GRK3: variants seen among roughly 807,000 people sequenced by gnomAD.
GRK3 encodes the protein adrenergic, beta, receptor kinase 2.
GRK3 carries 54 observed loss-of-function variants against 95.7 expected under a neutral mutation model. The observed-to-expected ratio is 0.56, with a 90% CI of 0.45 to 0.71. The LOEUF is 0.71. Among genes scored for constraint, GRK3 ranks in the 30% least tolerant of loss-of-function variants. The pLI is 0.00. For synonymous variants in GRK3, 281 were observed against 290.8 expected, an observed-to-expected ratio of 0.97 and a Z score of 0.34; for missense variants, 649 against 851.2, an observed-to-expected ratio of 0.76 and a Z score of 2.96.
At chr22:25,632,341 T>A (rs980346898) in intron 2 of GRK3, among the ~76,000 whole-genome samples, 3 of 152,378 alleles carry the variant, frequency 2.0e-5, no homozygotes, top group Admixed American at 6.5e-5. Flanking sequence ...TATATCTTCT[T>A]TGGTGAAAGT....
rs200289539 is a variant in GRK3, at chr22:25,711,027, G to A, written c.1396-41G>A. 4 of 1,332,704 alleles carry A rather than the reference G, an allele frequency of 3.0e-6. No homozygotes were observed. In the East Asian group the frequency reaches 6.9e-5, roughly 23 times the overall value. 82.6% of individuals were successfully genotyped at this position (1,332,704 alleles called of 1,614,324 possible). ...ATGTTAGGTTGGGACAGGGCCATAC[G>A]ATCATCTGAAAACTGTACCATGCTT... On this transcript the variant is annotated intron_variant, in intron 16 of 20. Coordinates refer to ENST00000324198, the MANE Select transcript of GRK3 (RefSeq NM_005160.4).
intron 1 of GRK3, 107 bp downstream of exon 1, chr22:25,565,260 G>T (rs1931422856): frequency 6.2e-6 from 3 of 481,554 alleles, no homozygotes; most frequent in Non-Finnish European, 3.5e-6. Context: ...CTGCCCCGGG[G>T]CGGGTGACAC....
intron 1 of GRK3, among the ~76,000 whole-genome samples, chr22:25,583,685 C>T (rs1229086757): frequency 2.6e-5 from 4 of 152,068 alleles, no homozygotes; most frequent in Admixed American, 2.6e-4. Flanking sequence ...TTTGAATGAG[C>T]GAATGGGTGA....
intron 13 of GRK3, 148 bp downstream of exon 13, chr22:25,695,362 C>T (rs2085199139): frequency 1.3e-5 from 7 of 552,192 alleles, no homozygotes; most frequent in Non-Finnish European, 2.2e-5. Context: ...AAGACTCTGT[C>T]TTAGAAGAGT....
chr22:25,651,936 CA>C (rs2084834312), intron 3 of GRK3, among the ~76,000 whole-genome samples: 1 of 152,076 alleles, frequency 6.6e-6, no homozygotes, highest in Admixed American at 6.5e-5. Flanking sequence ...AGCCTTCTAG[CA>C]CACTTTTTAA....
intron 15 of GRK3, 64 bp downstream of exon 15, chr22:25,704,273 T>C (rs1335341863): frequency 7.9e-7 from 1 of 1,262,624 alleles, no homozygotes; most frequent in South Asian, 1.3e-5. Context: ...TTTTAAATAC[T>C]GTCTATCAAA....
intron 2 of GRK3, among the ~76,000 whole-genome samples, chr22:25,606,306 A>C (rs1007971251): frequency 6.6e-6 from 1 of 152,260 alleles, no homozygotes. Flanking sequence ...TGGGAAGGTC[A>C]TGGTCACAGG....
intron 2 of GRK3, among the ~76,000 whole-genome samples, chr22:25,613,226 C>T (rs1369928972): frequency 2.6e-5 from 4 of 151,756 alleles, no homozygotes; most frequent in Admixed American, 6.6e-5. Context: ...TTGTTTTCCT[C>T]TGTGTTCCTA....
At chr22:25,625,648 C>T (rs1468917071) in intron 2 of GRK3, among the ~76,000 whole-genome samples, 1 of 152,148 alleles carries the variant, frequency 6.6e-6, no homozygotes, top group African/African-American at 2.4e-5. Context: ...CACAGTTATC[C>T]GGAGGCCTAA....
intron 2 of GRK3, among the ~76,000 whole-genome samples, chr22:25,639,814 A>C (rs574033973): frequency 6.6e-6 from 1 of 152,164 alleles, no homozygotes; most frequent in Non-Finnish European, 1.5e-5. Context: ...ATGTATTTCC[A>C]TTTATTTAGA....
At chr22:25,647,169 C>A in intron 3 of GRK3, 1 of 332,710 alleles carries the variant, frequency 3.0e-6, no homozygotes, top group Non-Finnish European at 5.6e-6. Flanking sequence ...AGGAGAGGGC[C>A]CCGGGCCTCA....
intron 1 of GRK3, among the ~76,000 whole-genome samples, chr22:25,566,501 C>CTT (rs1324876076): frequency 6.6e-6 from 1 of 152,144 alleles, no homozygotes; most frequent in African/African-American, 2.4e-5. Flanking sequence ...TTTGAGCTTG[C>CTT]TTTTCCTCCT....
chr22:25,621,388 G>C (rs1027737315), intron 2 of GRK3, among the ~76,000 whole-genome samples: 1 of 152,014 alleles, frequency 6.6e-6, no homozygotes, highest in Non-Finnish European at 1.5e-5. Context: ...CTAGTATATT[G>C]ATTCACATGT....
intron 1 of GRK3, among the ~76,000 whole-genome samples, chr22:25,591,356 G>A (rs767861740): frequency 7.6e-4 from 115 of 152,166 alleles, no homozygotes; most frequent in African/African-American, 2.5e-3. Context: ...TGTTCACCTG[G>A]AAGCTCTCCA....
At chr22:25,580,935 G>C (rs1399875982) in intron 1 of GRK3, 1 of 152,216 alleles carries the variant, frequency 6.6e-6, no homozygotes, top group Non-Finnish European at 1.5e-5. Flanking sequence ...ACCAGCTTGG[G>C]CAACACACCA....
At chr22:25,705,047 T>C (rs1356937337) in intron 15 of GRK3, among the ~76,000 whole-genome samples, 1 of 152,202 alleles carries the variant, frequency 6.6e-6, no homozygotes, top group African/African-American at 2.4e-5. Flanking sequence ...ATCATACATA[T>C]GTGTATGTAT....
Position 25,680,891 on chromosome 22 carries a change from T to C in GRK3, c.747+1976T>C, listed in dbSNP as rs2085068715. ...CAGACTGTATCGGCAGGCTTTCCCG[T>C]ATTGTGGACATGTAACTGAAATGCA... On this transcript the variant is annotated intron_variant, in intron 9 of 20. Coordinates refer to ENST00000324198, the MANE Select transcript of GRK3 (RefSeq NM_005160.4). Among the ~76,000 whole-genome samples the C allele has an allele frequency of 2.0e-5, 3 of 152,092 alleles. No individual in the cohort carries two copies. The South Asian group carries it at 6.2e-4, about 32-fold the overall frequency.
intron 8 of GRK3, 45 bp downstream of exon 8, chr22:25,674,573 TTAA>T (rs1569189208): frequency 7.3e-7 from 1 of 1,375,326 alleles, no homozygotes; most frequent in East Asian, 2.3e-5. Flanking sequence ...TATTAAAATT[TTAA>T]TATTTGCATG....
rs41281565 is a variant in GRK3 at position 25,723,411 on chromosome 22, T to C, written c.*961T>C. On this transcript the variant is annotated 3_prime_UTR_variant, in exon 21 of 21. Coordinates refer to ENST00000324198, the MANE Select transcript of GRK3 (RefSeq NM_005160.4). ...ATGTCTTAGTATAATTTCAGATGAATTGTATTGAAAAAATGCTGAGGAATG... is the reference window on the plus strand; with the variant it reads ...ATGTCTTAGTATAATTTCAGATGAACTGTATTGAAAAAATGCTGAGGAATG... 2,522 of 152,284 alleles carry C rather than the reference T, an allele frequency of 0.017. 32 individuals carry two copies. The highest frequency in any genetic ancestry group is 0.027 in the Non-Finnish European group (1,865 of 68,016). The allele number at this position is 152,284 out of a possible 1,614,324, so 9.4% of individuals were successfully genotyped here.
Sources: gnomAD v4.1 joint callset for allele counts (sites outside exome capture counted in the v4.1 genomes callset) on GRCh38, gnomAD v4.1.1 for gene constraint, MANE v1.5 for transcripts, NCBI Gene and HGNC (gene_info 2026-07-23, HGNC 2026-07-21) for gene names.